ZNF37A: variants seen among roughly 807,000 people sequenced by gnomAD.
ZNF37A encodes zinc finger protein 37A.
ZNF37A carries 10 observed loss-of-function variants against 12.3 expected under a neutral mutation model. The ratio of observed to expected loss-of-function variants is 0.82; its 90% CI spans 0.50 to 1.38. The LOEUF (loss-of-function observed/expected upper bound fraction) is 1.38. Among genes scored for constraint, ZNF37A ranks in the 40% most tolerant of loss-of-function variants. The pLI is 0.00. For missense variants in ZNF37A, 580 were observed against 651.2 expected (o/e 0.89, Z 1.19); for synonymous variants, 207 against 223.0 (o/e 0.93, Z 0.64).
At chr10:38,097,583 CAAAAAAAAAAAAA>C (rs71007695) in intron 5 of ZNF37A, among the ~76,000 whole-genome samples, 10,898 of 61,942 alleles carry the variant, frequency 0.18, 986 homozygotes, top group African/African-American at 0.34. Flanking sequence ...GACTCTGTCT[CAAAAAAAAAAAAA>C]AAAAAAAAAA....
At chr10:38,110,733 G>T (rs2068574959) in intron 5 of ZNF37A, among the ~76,000 whole-genome samples, 1 of 152,298 alleles carries the variant, frequency 6.6e-6, no homozygotes, top group South Asian at 2.1e-4. Context: ...ATGAAAAAAA[G>T]CTCATCATCA....
chr10:38,107,924 G>A (rs1296653420), intron 5 of ZNF37A, among the ~76,000 whole-genome samples: 1 of 152,086 alleles, frequency 6.6e-6, no homozygotes, highest in Non-Finnish European at 1.5e-5. Flanking sequence ...ACAACCCACT[G>A]TCAGTATTAG....
intron 5 of ZNF37A, among the ~76,000 whole-genome samples, chr10:38,112,788 T>TGTCTTG (rs1564932518): frequency 9.0e-6 from 1 of 111,346 alleles, no homozygotes; most frequent in African/African-American, 3.4e-5. Flanking sequence ...TTCTTTTCTT[T>TGTCTTG]TCTTTTCTTG....
chr10:38,112,787 T>TGGTG (rs1216587557), intron 5 of ZNF37A, among the ~76,000 whole-genome samples: 1 of 59,948 alleles, frequency 1.7e-5, no homozygotes, highest in Non-Finnish European at 3.7e-5. Flanking sequence ...TTTCTTTTCT[T>TGGTG]TTCTTTTCTT....
At chr10:38,113,205 A>ATTTT (rs71007697) in intron 5 of ZNF37A, among the ~76,000 whole-genome samples, 30 of 75,844 alleles carry the variant, frequency 4.0e-4, no homozygotes, top group Middle Eastern at 0.014. Flanking sequence ...TTAGTCTGTG[A>ATTTT]TTTTTTTTTT....
intron 7 of ZNF37A, chr10:38,139,331 T>C (rs1167037516): frequency 6.6e-6 from 1 of 152,130 alleles, no homozygotes; most frequent in African/African-American, 2.4e-5. Flanking sequence ...TATTGATCAC[T>C]GTGTTGAACC....
intron 5 of ZNF37A, among the ~76,000 whole-genome samples, chr10:38,104,240 G>A (rs2067837890): frequency 6.6e-6 from 1 of 152,098 alleles, no homozygotes; most frequent in South Asian, 2.1e-4. Context: ...GACTAGCCCT[G>A]AGAAAGTTTC....
Position 38,100,412 on chromosome 10 carries a change from C to G in ZNF37A, c.15+3780C>G, listed in dbSNP as rs193273794. 2.9e-4 allele frequency among the ~76,000 whole-genome samples: 44 copies of G among 152,210 alleles called. 1 individual carries two copies. The highest frequency in any genetic ancestry group is 1.0e-3 in the African/African-American group (43 of 41,534). On this transcript the variant is annotated intron_variant, in intron 5 of 7. Coordinates refer to ENST00000685332, the MANE Select transcript of ZNF37A (RefSeq NM_001324250.3). ...TATGGGAGACTGGGGTCTATTTCAC[C>G]CCTACAGCCTACAGACCATAGGAGA...
chr10:38,108,854 C>A (rs2068376326), intron 5 of ZNF37A, among the ~76,000 whole-genome samples: 1 of 152,056 alleles, frequency 6.6e-6, no homozygotes. Flanking sequence ...AGCCTACCAA[C>A]CAAAAATGTC....
intron 5 of ZNF37A, among the ~76,000 whole-genome samples, chr10:38,103,297 C>G (rs891508495): frequency 2.0e-5 from 3 of 152,152 alleles, no homozygotes; most frequent in Non-Finnish European, 4.4e-5. Context: ...TCTTTGTTCT[C>G]TTTGAGCTCC....
chr10:38,102,666 A>G (rs954088169), intron 5 of ZNF37A, among the ~76,000 whole-genome samples: 11 of 152,120 alleles, frequency 7.2e-5, no homozygotes, highest in Admixed American at 6.5e-4. Flanking sequence ...GTTTGTTTGG[A>G]TTGGAGTTAC....
intron 5 of ZNF37A, among the ~76,000 whole-genome samples, chr10:38,112,834 T>C (rs1219517655): frequency 8.3e-6 from 1 of 119,816 alleles, no homozygotes; most frequent in African/African-American, 3.1e-5. Flanking sequence ...TTTCACAGAG[T>C]TTCACTCTTT....
intron 5 of ZNF37A, among the ~76,000 whole-genome samples, chr10:38,105,083 G>A (rs1590825774): frequency 1.3e-5 from 2 of 150,072 alleles, no homozygotes; most frequent in African/African-American, 2.5e-5. Context: ...TCAGCTCACC[G>A]CAACCTCCGC....
In ZNF37A at chr10:38,138,812, C is replaced by CTT. The variant is rs2070144283; in HGVS notation, c.239-7920_239-7919insTT. On this transcript the variant is annotated intron_variant, in intron 7 of 7. Coordinates refer to the ZNF37A transcript ENST00000638053. ...TCATTAAATTTGCAAAGTTCAGTTACACCACAGCCCAGCTACTTACCAAGT... is the reference window on the plus strand; with the variant it reads ...TCATTAAATTTGCAAAGTTCAGTTACTTACCACAGCCCAGCTACTTACCAAGT... 2 of 152,280 alleles carry CTT rather than the reference C, an allele frequency of 1.3e-5. 1 individual carries two copies. The highest frequency in any genetic ancestry group is 4.1e-4 in the South Asian group (2 of 4,824). The allele number at this position is 152,280 out of a possible 1,614,324, so 9.4% of individuals were successfully genotyped here.
At position 38,118,379 on chromosome 10, in the gene ZNF37A, C is replaced by T; in HGVS notation, c.1228C>T (p.Pro410Ser). The T allele has an allele frequency of 6.2e-7, 1 of 1,613,800 alleles. No individual in the cohort carries two copies. Residue 410 changes from proline to serine, a missense_variant, in exon 8 of 8, where the codon CCT (proline) becomes TCT (serine). Physicochemically the swap from Pro to Ser is moderately conservative, Grantham distance 74. Coordinates refer to ENST00000685332, the MANE Select transcript of ZNF37A (RefSeq NM_001324250.3). ...TCAAAGAATACACACAGGTGAAAAA[C>T]CTTATGAATGTAATGAATGTGGGAA... ...KHQRIHTGEK[P>S]YECNECGKSF...
At chr10:38,125,751 T>C (rs2069915887), downstream of ZNF37A, among the ~76,000 whole-genome samples, 1 of 152,198 alleles carries the variant, frequency 6.6e-6, no homozygotes, top group Non-Finnish European at 1.5e-5. Flanking sequence ...AATTGACTGT[T>C]AGACCATTCT....
intron 5 of ZNF37A, among the ~76,000 whole-genome samples, chr10:38,097,481 G>A (rs1293893465): frequency 6.6e-6 from 1 of 150,804 alleles, no homozygotes; most frequent in Non-Finnish European, 1.5e-5. Context: ...AGGAGGCTGA[G>A]GCAGGAGAAT....
intron 5 of ZNF37A, among the ~76,000 whole-genome samples, chr10:38,107,898 A>T (rs1382856551): frequency 6.6e-6 from 1 of 152,206 alleles, no homozygotes; most frequent in African/African-American, 2.4e-5. Context: ...CTACACAATA[A>T]TAGTGGGAGA....
chr10:38,105,084 C>T (rs2067948904), intron 5 of ZNF37A, among the ~76,000 whole-genome samples: 1 of 151,592 alleles, frequency 6.6e-6, no homozygotes, highest in African/African-American at 2.4e-5. Flanking sequence ...CAGCTCACCG[C>T]AACCTCCGCC....
Sources: allele counts gnomAD v4.1 joint callset (sites outside exome capture counted in the v4.1 genomes callset), GRCh38; gene constraint gnomAD v4.1.1; transcripts MANE v1.5; gene names NCBI Gene and HGNC (gene_info 2026-07-23, HGNC 2026-07-21).